The following SCAF8 variants were observed in gnomAD, a reference collection of about 807,000 sequenced individuals.
SCAF8 encodes the protein SR-related CTD associated factor 8, also known as SR-related and CTD-associated factor 8.
SCAF8 carries 23 observed loss-of-function variants against 140.5 expected under a neutral mutation model. The ratio of observed to expected loss-of-function variants is 0.16; its 90% CI spans 0.12 to 0.23. The LOEUF (loss-of-function observed/expected upper bound fraction) is 0.23, where lower values mean the gene tolerates loss of function less well. Among genes scored for constraint, SCAF8 ranks in the 10% least tolerant of loss-of-function variants. The pLI is 1.00. For missense variants in SCAF8, 1,397 were observed against 1,555.7 expected (o/e 0.90, Z 1.72); for synonymous variants, 575 against 528.9 (o/e 1.09, Z -1.20).
intron 1 of SCAF8, among the ~76,000 whole-genome samples, chr6:154,738,394 C>A (rs1778484329): frequency 6.6e-6 from 1 of 152,096 alleles, no homozygotes; most frequent in Admixed American, 6.6e-5. Flanking sequence ...GTCAGAAGAT[C>A]CTTTAATTGT....
Position 154,764,277 on chromosome 6 carries a change from C to CTT in SCAF8, c.31-9699_31-9698dup, listed in dbSNP as rs61472336. Among the ~76,000 whole-genome samples, 1,412 of 141,712 alleles carry CTT rather than the reference C, an allele frequency of 1.0e-2. 19 individuals carry two copies. The highest frequency in any genetic ancestry group is 0.043 in the South Asian group (193 of 4,534). The allele number at this position is 141,712 out of a possible 152,430, so 93.0% of individuals were successfully genotyped here. A position where few individuals can be genotyped will look rare whatever the true frequency, so the allele number is the denominator to read the frequency against. On this transcript the variant is annotated intron_variant, in intron 1 of 19. Coordinates refer to ENST00000367178, the MANE Select transcript of SCAF8 (RefSeq NM_014892.5). ...GCTCTTGTTTAGTATATTTTCTTTC[C>CTT]TTTTTTTTTTTTTTGAGACGGAGTC... is the stretch of plus-strand genomic sequence containing the variant.
intron 8 of SCAF8, among the ~76,000 whole-genome samples, chr6:154,803,979 A>G (rs1777842406): frequency 6.6e-6 from 1 of 152,242 alleles, no homozygotes; most frequent in Admixed American, 6.5e-5. Flanking sequence ...TCTAGAAAGC[A>G]TATGAAATTG....
Position 154,758,174 on chromosome 6 carries a change from A to G in SCAF8, c.31-15815A>G, listed in dbSNP as rs184969161. Among the ~76,000 whole-genome samples, 300 of 152,222 alleles carry G rather than the reference A, an allele frequency of 2.0e-3. 1 individual carries two copies. Among genetic ancestry groups the G allele is most frequent in the African/African-American group, 6.7e-3 (280 of 41,550 alleles). ...CAGTCTGCCTGCCTTGGCCTCCCAA[A>G]GTGCTGGGAATACAGGTTTGAGCCA... On this transcript the variant is annotated intron_variant, in intron 1 of 19. Transcript: ENST00000367178.
chr6:154,783,580 A>G (rs1423034243), intron 3 of SCAF8, among the ~76,000 whole-genome samples: 2 of 152,256 alleles, frequency 1.3e-5, no homozygotes, highest in African/African-American at 4.8e-5. Context: ...AAATGAAAAG[A>G]TGGTGCTAAA....
At chr6:154,761,522 A>G (rs529306745) in intron 1 of SCAF8, among the ~76,000 whole-genome samples, 1 of 152,288 alleles carries the variant, frequency 6.6e-6, no homozygotes, top group Admixed American at 6.5e-5. Context: ...CCAAAAAATC[A>G]TTTTGGAAGT....
chr6:154,770,388 A>ACACACTCTCTCTCTCTCTCTCTCT (rs1384942827), intron 1 of SCAF8, among the ~76,000 whole-genome samples: 9 of 141,994 alleles, frequency 6.3e-5, no homozygotes, highest in Admixed American at 2.8e-4. Flanking sequence ...ACACACACAC[A>ACACACTCTCTCTCTCTCTCTCTCT]CTCTCTCTCT....
chr6:154,789,777 C>T (rs1367584491), intron 4 of SCAF8, among the ~76,000 whole-genome samples: 1 of 152,072 alleles, frequency 6.6e-6, no homozygotes, highest in Admixed American at 6.5e-5. Flanking sequence ...GATCTCCTGA[C>T]CTCGTGATCC....
intron 12 of SCAF8, among the ~76,000 whole-genome samples, chr6:154,812,548 C>T (rs1387271636): frequency 1.3e-5 from 2 of 152,076 alleles, no homozygotes; most frequent in Non-Finnish European, 2.9e-5. Flanking sequence ...TTGTTTACCT[C>T]ACAACTCTCC....
intron 12 of SCAF8, 103 bp downstream of exon 12, chr6:154,810,311 A>G: frequency 3.7e-6 from 3 of 820,036 alleles, no homozygotes; most frequent in Non-Finnish European, 5.5e-6. Flanking sequence ...GATTAAGGTT[A>G]AAAGTGGTTT....
At chr6:154,823,699 T>C (rs909258551) in intron 16 of SCAF8, among the ~76,000 whole-genome samples, 24 of 152,218 alleles carry the variant, frequency 1.6e-4, no homozygotes, top group African/African-American at 5.8e-4. Context: ...TGTTGTTAGG[T>C]AGAAGTATCT....
At chr6:154,829,736 G>A (rs1019112094) in intron 18 of SCAF8, among the ~76,000 whole-genome samples, 5 of 151,950 alleles carry the variant, frequency 3.3e-5, no homozygotes, top group African/African-American at 7.3e-5. Flanking sequence ...GTGAAACCCC[G>A]TCTCCACTAA....
rs138324487 is a variant in SCAF8, at chr6:154,762,123, C to A, written c.31-11866C>A. ...AAATAAAAGCATTCACTTATTTCTTCTACTGTATTAGTTTTCTATTGCTGT... is the reference window on the plus strand; with the variant it reads ...AAATAAAAGCATTCACTTATTTCTTATACTGTATTAGTTTTCTATTGCTGT... On this transcript the variant is annotated intron_variant, in intron 1 of 19. Transcript: ENST00000367178. Among the ~76,000 whole-genome samples, 786 of 152,292 alleles carry A rather than the reference C, an allele frequency of 5.2e-3. 3 individuals are homozygous for A. Among genetic ancestry groups the A allele is most frequent in the African/African-American group, 0.018 (745 of 41,554 alleles).
intron 6 of SCAF8, among the ~76,000 whole-genome samples, chr6:154,797,043 G>A (rs1322960420): frequency 6.7e-6 from 1 of 150,058 alleles, no homozygotes; most frequent in African/African-American, 2.4e-5. Context: ...ATTAATTTTC[G>A]ATAACATTTT....
chr6:154,831,837 A>G (rs1778748879), intron 19 of SCAF8, 102 bp from the exon 20 acceptor site: 2 of 901,992 alleles, frequency 2.2e-6, no homozygotes, highest in East Asian at 5.2e-5. Context: ...GTAGTAGCTA[A>G]TGTACCTTGA....
At chr6:154,755,087 T>C (rs1778932575) in intron 1 of SCAF8, among the ~76,000 whole-genome samples, 1 of 152,180 alleles carries the variant, frequency 6.6e-6, no homozygotes, top group South Asian at 2.1e-4. Context: ...TTTTAAAAAA[T>C]GTATATTCTG....
At chr6:154,745,458 C>T (rs763367430) in intron 1 of SCAF8, among the ~76,000 whole-genome samples, 4 of 152,254 alleles carry the variant, frequency 2.6e-5, no homozygotes, top group East Asian at 1.9e-4. Context: ...ACTGCAGCCT[C>T]GAACTTCTGG....
intron 13 of SCAF8, among the ~76,000 whole-genome samples, chr6:154,817,622 T>C (rs1355863401): frequency 6.6e-6 from 1 of 152,188 alleles, no homozygotes; most frequent in Non-Finnish European, 1.5e-5. Flanking sequence ...GGTTTAGATA[T>C]ATTTCTCTTT....
At chr6:154,766,441 C>G (rs1225418065) in intron 1 of SCAF8, among the ~76,000 whole-genome samples, 1 of 152,122 alleles carries the variant, frequency 6.6e-6, no homozygotes, top group Non-Finnish European at 1.5e-5. Context: ...AAAAATAAAT[C>G]AAAAGCAGTC....
intron 1 of SCAF8, among the ~76,000 whole-genome samples, chr6:154,764,580 A>G (rs1036490806): frequency 9.9e-5 from 15 of 152,196 alleles, no homozygotes; most frequent in African/African-American, 3.6e-4. Context: ...TGATGGAACA[A>G]ACTAACTGGG....
Sources: allele counts gnomAD v4.1 joint callset (sites outside exome capture counted in the v4.1 genomes callset), GRCh38; gene constraint gnomAD v4.1.1; transcripts MANE v1.5; gene names NCBI Gene and HGNC (gene_info 2026-07-23, HGNC 2026-07-21).